SMG6: variants seen among roughly 807,000 people sequenced by gnomAD.
SMG6 encodes the protein SMG6 nonsense mediated mRNA decay factor.
In SMG6, 66 loss-of-function variants were observed where a neutral mutation model predicts 142.2. The observed-to-expected ratio is 0.46, with a 90% CI of 0.38 to 0.57. The LOEUF is 0.57. Among genes scored for constraint, SMG6 ranks in the 20% least tolerant of loss-of-function variants. SMG6 has a pLI of 0.00. For missense variants in SMG6, 1,793 were observed against 1,832.0 expected, an observed-to-expected ratio of 0.98 and a Z score of 0.39; for synonymous variants, 779 against 702.4, an observed-to-expected ratio of 1.11 and a Z score of -1.72.
In SMG6 at chr17:2,060,667, G is replaced by A. The variant is rs12946564; in HGVS notation, c.*825C>T. The A allele has an allele frequency of 0.77, 117,368 of 152,184 alleles. 45,474 individuals are homozygous for A. Among genetic ancestry groups the A allele is most frequent in the East Asian group, 0.94 (4,845 of 5,174 alleles). 9.4% of individuals were successfully genotyped at this position (152,184 alleles called of 1,614,324 possible). A position where few individuals can be genotyped will look rare whatever the true frequency, so the allele number is the denominator to read the frequency against. On this transcript the variant is annotated 3_prime_UTR_variant, in exon 19 of 19. Coordinates refer to ENST00000263073, the MANE Select transcript of SMG6 (RefSeq NM_017575.5). ...AGGAGGGGTGAAGGGGGAGCTGAGG[G>A]GAGTCAGGACATTTCCTGAAGAGGA... is the stretch of plus-strand genomic sequence containing the variant.
At chr17:2,226,436 G>A (rs565022874) in intron 10 of SMG6, among the ~76,000 whole-genome samples, 8 of 151,352 alleles carry the variant, frequency 5.3e-5, no homozygotes, top group South Asian at 4.2e-4. Flanking sequence ...AAAATTAGCC[G>A]GGTGTGGTGG....
chr17:2,099,190 A>G (rs1251145580), intron 13 of SMG6, among the ~76,000 whole-genome samples: 1 of 152,262 alleles, frequency 6.6e-6, no homozygotes, highest in East Asian at 1.9e-4. Flanking sequence ...TGGTGCGGCC[A>G]TACTGCCTAT....
At chr17:2,144,626 G>C (rs1567634104) in intron 13 of SMG6, among the ~76,000 whole-genome samples, 1 of 152,140 alleles carries the variant, frequency 6.6e-6, no homozygotes, top group Non-Finnish European at 1.5e-5. Context: ...TTTGTGGCCT[G>C]AGTAGAAGCT....
At chr17:2,091,971 T>A (rs182026782) in intron 13 of SMG6, among the ~76,000 whole-genome samples, 1 of 151,528 alleles carries the variant, frequency 6.6e-6, no homozygotes, top group Non-Finnish European at 1.5e-5. Context: ...CGTGAGCCAC[T>A]GCGCCTGGCC....
chr17:2,078,143 AC>A (rs2068311751), intron 15 of SMG6, among the ~76,000 whole-genome samples: 2 of 152,174 alleles, frequency 1.3e-5, no homozygotes. Flanking sequence ...AGGAGGTGCC[AC>A]TTACAGAAAC....
chr17:2,231,528 C>T (rs2073493988), intron 10 of SMG6, among the ~76,000 whole-genome samples: 1 of 152,120 alleles, frequency 6.6e-6, no homozygotes. Context: ...AAACCCCCGT[C>T]TCTACTAAAA....
chr17:2,167,920 C>A (rs1410602517), intron 13 of SMG6, among the ~76,000 whole-genome samples: 1 of 152,146 alleles, frequency 6.6e-6, no homozygotes, highest in African/African-American at 2.4e-5. Flanking sequence ...GAGACCCAGG[C>A]TGCAGTGCAG....
intron 10 of SMG6, among the ~76,000 whole-genome samples, chr17:2,221,159 T>C (rs1194880291): frequency 2.0e-5 from 3 of 152,228 alleles, no homozygotes; most frequent in African/African-American, 7.2e-5. Flanking sequence ...TAAGAGCTGA[T>C]ATGGTTTGGA....
intron 13 of SMG6, among the ~76,000 whole-genome samples, chr17:2,125,721 A>C (rs1036801374): frequency 6.6e-6 from 1 of 152,164 alleles, no homozygotes; most frequent in Non-Finnish European, 1.5e-5. Context: ...GGGAGGCCAA[A>C]GCGGGCAGAT....
intron 13 of SMG6, among the ~76,000 whole-genome samples, chr17:2,159,887 C>T (rs1309908955): frequency 6.6e-6 from 1 of 152,124 alleles, no homozygotes; most frequent in Non-Finnish European, 1.5e-5. Context: ...AGACGTTATG[C>T]TGAGTGACAA....
chr17:2,281,425 G>A (rs2074783507), intron 8 of SMG6, among the ~76,000 whole-genome samples: 1 of 152,134 alleles, frequency 6.6e-6, no homozygotes, highest in South Asian at 2.1e-4. Flanking sequence ...CACCACACCA[G>A]ACCTTGACTC....
At chr17:2,242,323 T>C (rs1449729115) in intron 9 of SMG6, among the ~76,000 whole-genome samples, 1 of 120,282 alleles carries the variant, frequency 8.3e-6, no homozygotes, top group Non-Finnish European at 1.6e-5. Context: ...CCATCCTGGC[T>C]AACGTAGTAA....
intron 4 of SMG6, among the ~76,000 whole-genome samples, chr17:2,295,885 T>A (rs1280868357): frequency 6.6e-6 from 1 of 152,186 alleles, no homozygotes; most frequent in Non-Finnish European, 1.5e-5. Context: ...TGATTCAGAC[T>A]CTTCATGCCT....
At chr17:2,208,001 T>C (rs908858273) in intron 10 of SMG6, among the ~76,000 whole-genome samples, 3 of 152,154 alleles carry the variant, frequency 2.0e-5, no homozygotes, top group Admixed American at 6.5e-5. Context: ...CGGTGGCTCA[T>C]GCCTGTAATC....
chr17:2,090,196 A>G (rs1187475612), intron 13 of SMG6, among the ~76,000 whole-genome samples: 1 of 150,352 alleles, frequency 6.7e-6, no homozygotes, highest in African/African-American at 2.5e-5. Flanking sequence ...AAAAAAAAAA[A>G]AAAAAAGGAA....
chr17:2,205,973 TA>T (rs1172466850), intron 10 of SMG6, among the ~76,000 whole-genome samples: 1 of 152,130 alleles, frequency 6.6e-6, no homozygotes. Context: ...CATGTCTGGC[TA>T]ATTTTTATAT....
intron 15 of SMG6, among the ~76,000 whole-genome samples, chr17:2,069,631 T>C (rs1399713874): frequency 6.6e-6 from 1 of 152,090 alleles, no homozygotes. Context: ...CAACGAACAA[T>C]GAAGTTGAAC....
At chr17:2,254,630 C>T (rs2074123315) in intron 8 of SMG6, among the ~76,000 whole-genome samples, 1 of 152,160 alleles carries the variant, frequency 6.6e-6, no homozygotes, top group Non-Finnish European at 1.5e-5. Context: ...ATACCGTGCT[C>T]GGCCATCAAA....
At chr17:2,273,740 T>G (rs1388125494) in intron 8 of SMG6, among the ~76,000 whole-genome samples, 3 of 151,208 alleles carry the variant, frequency 2.0e-5, no homozygotes, top group Non-Finnish European at 4.4e-5. Flanking sequence ...GAGGTTGCAG[T>G]GAGCAGAGAT....
Sources: gnomAD v4.1 joint callset for allele counts (sites outside exome capture counted in the v4.1 genomes callset) on GRCh38, gnomAD v4.1.1 for gene constraint, MANE v1.5 for transcripts, NCBI Gene and HGNC (gene_info 2026-07-23, HGNC 2026-07-21) for gene names.